MIER1: variants seen among roughly 807,000 people sequenced by gnomAD.
The protein encoded by MIER1 is MIER1 transcriptional regulator.
Under a neutral mutation model 75.7 loss-of-function variants are expected in MIER1, and 40 were observed. The observed-to-expected ratio is 0.53, with a 90% CI of 0.41 to 0.69. MIER1 has a LOEUF of 0.69. MIER1 is among the 30% of genes least tolerant of loss of function. The probability of loss-of-function intolerance (pLI) is 0.00; values close to 1 mark genes in which losing one functional copy is unlikely to be tolerated. For synonymous variants in MIER1, 213 were observed against 223.4 expected, an observed-to-expected ratio of 0.95 and a Z score of 0.42; for missense variants, 574 against 680.2, an observed-to-expected ratio of 0.84 and a Z score of 1.74.
At chr1:66,941,069 A>G (rs562177385) in intron 3 of MIER1, among the ~76,000 whole-genome samples, 73 of 152,322 alleles carry the variant, frequency 4.8e-4, no homozygotes, top group Admixed American at 2.4e-3. Context: ...AAAGTTTTAG[A>G]AAGAAAGCTT....
chr1:66,962,224 T>G (rs1316411561), intron 7 of MIER1, among the ~76,000 whole-genome samples: 1 of 152,226 alleles, frequency 6.6e-6, no homozygotes, highest in Non-Finnish European at 1.5e-5. Context: ...TGTATAGATA[T>G]GATTACTGGA....
Position 66,929,100 on chromosome 1 carries a change from A to AT in MIER1, c.168+2862dup, listed in dbSNP as rs1382717735. 4.5e-6 allele frequency: 3 copies of AT among 668,642 alleles called. No homozygotes were observed. In the Admixed American group the frequency reaches 8.2e-5, roughly 18 times the overall value. 41.4% of individuals were successfully genotyped at this position (668,642 alleles called of 1,614,324 possible). The stretch of plus-strand genomic sequence containing the variant: ...AGGAAAATGCTTGATAGAGTCTAGA[A>AT]TTTTAAGGGAATATAAATAATTTAA... On this transcript the variant is annotated intron_variant, in intron 2 of 13. Transcript: ENST00000401041.
At chr1:66,974,239 A>G (rs1664242185) in intron 11 of MIER1, among the ~76,000 whole-genome samples, 1 of 152,150 alleles carries the variant, frequency 6.6e-6, no homozygotes, top group South Asian at 2.1e-4. Flanking sequence ...AGGATAACTT[A>G]GAAGACAATG....
intron 8 of MIER1, among the ~76,000 whole-genome samples, chr1:66,967,064 T>C (rs1420322440): frequency 6.6e-6 from 1 of 152,180 alleles, no homozygotes; most frequent in Non-Finnish European, 1.5e-5. Flanking sequence ...TGTGGGGTAT[T>C]ATTCAGGAAG....
chr1:66,968,060 T>C (rs558650338), intron 8 of MIER1, among the ~76,000 whole-genome samples: 2 of 152,314 alleles, frequency 1.3e-5, no homozygotes, highest in Admixed American at 6.5e-5. Flanking sequence ...TTTAACATGA[T>C]TTTAGAAAGT....
At chr1:66,979,960 C>T (rs1298576492) in intron 12 of MIER1, among the ~76,000 whole-genome samples, 2 of 151,754 alleles carry the variant, frequency 1.3e-5, no homozygotes, top group African/African-American at 2.4e-5. Flanking sequence ...GACAGGGTTT[C>T]TCCATGTTGG....
At position 66,961,033 on chromosome 1, in the gene MIER1, T is replaced by A. The variant is rs76097329; in HGVS notation, c.699+1290T>A. 4.6e-3 allele frequency among the ~76,000 whole-genome samples: 693 copies of A among 152,148 alleles called. 7 individuals are homozygous for A. Among genetic ancestry groups the A allele is most frequent in the African/African-American group, 0.016 (664 of 41,510 alleles). ...AAATGAAAGAACAAAAGCTCAGAGG[T>A]AGAACACCTCTCATTGCTGGAGGGT... On this transcript the variant is annotated intron_variant, in intron 7 of 13. Coordinates refer to ENST00000401041, the MANE Select transcript of MIER1 (RefSeq NM_001077700.3).
intron 2 of MIER1, among the ~76,000 whole-genome samples, chr1:66,937,941 A>C (rs1655301738): frequency 1.3e-5 from 2 of 152,198 alleles, no homozygotes; most frequent in Non-Finnish European, 2.9e-5. Context: ...ATGTATCTGT[A>C]GGCAGACCAC....
In MIER1 at chr1:66,926,153, G is replaced by A. The variant is rs1010710842; in HGVS notation, c.79G>A (p.Ala27Thr). 2 of 1,613,562 alleles carry A rather than the reference G, an allele frequency of 1.2e-6. No individual in the cohort carries two copies. Among genetic ancestry groups the A allele is most frequent in the East Asian group, 4.5e-5 (2 of 44,880 alleles). ...GSSGSGYGVV[A>T]RFSQCLAEFR... ...TTCCTTTGATCCAGATGGTGTGGTC[G>A]CTCGATTCTCCCAGTGCCTGGCTGA... The change falls in exon 2 of 14, where the codon GCT (alanine) becomes ACT (threonine). Residue 27 changes from alanine (A) to threonine (T), a missense_variant. By Grantham distance (58) the Ala-to-Thr change is moderately conservative. This residue lies in a region of MIER1 where 309 missense variants were observed against 352.8 expected (regional missense o/e 0.88). Coordinates refer to ENST00000401041, the MANE Select transcript of MIER1 (RefSeq NM_001077700.3).
chr1:66,925,304 C>T (rs1461658084), intron 1 of MIER1: 7 of 985,128 alleles, frequency 7.1e-6, no homozygotes, highest in Non-Finnish European at 7.2e-6. Context: ...CAGCTTCCTC[C>T]CTCTGGCCAT....
At chr1:66,978,828 C>G (rs1345103689) in intron 12 of MIER1, among the ~76,000 whole-genome samples, 2 of 152,134 alleles carry the variant, frequency 1.3e-5, no homozygotes, top group East Asian at 3.8e-4. Flanking sequence ...ATGTCAAGAT[C>G]AACAGGTTAG....
At position 66,985,835 on chromosome 1, in the gene MIER1, TTTA is replaced by T. The variant is rs761913757; in HGVS notation, c.*936_*938del. Reference sequence around the variant, plus strand: ...TAAAATTTTTTTTTTTTTTTTTTTTTTTAAATTTCTACTTAAGGGCAAGTAATT... The same window carrying T: ...TAAAATTTTTTTTTTTTTTTTTTTTTAATTTCTACTTAAGGGCAAGTAATT... On this transcript the variant is annotated 3_prime_UTR_variant, in exon 14 of 14. Transcript: ENST00000401041. The T allele has an allele frequency of 0.037, 26,734 of 713,324 alleles. 177 individuals carry two copies. Among genetic ancestry groups the T allele is most frequent in the South Asian group, 0.05 (834 of 16,636 alleles). 44.2% of individuals were successfully genotyped at this position (713,324 alleles called of 1,614,324 possible).
chr1:66,940,333 T>TA (rs1249344824), intron 3 of MIER1: 4 of 287,810 alleles, frequency 1.4e-5, no homozygotes. Flanking sequence ...TGTATTATTG[T>TA]TTGACTTGTA....
chr1:66,929,114 T>C lies in MIER1; in HGVS notation c.168+2872T>C, dbSNP rs1039464847. The stretch of plus-strand genomic sequence containing the variant: ...TAGAGTCTAGAATTTTAAGGGAATA[T>C]AAATAATTTAATAGCCTCCCCTATA... On this transcript the variant is annotated intron_variant, in intron 2 of 13. Transcript: ENST00000401041. 32 of 661,250 alleles carry C rather than the reference T, an allele frequency of 4.8e-5. No homozygotes were observed. The Admixed American group carries it at 7.1e-4, about 15-fold the overall frequency. The allele number at this position is 661,250 out of a possible 1,614,324, so 41.0% of individuals were successfully genotyped here.
At chr1:66,976,150 C>G (rs1309226933) in intron 11 of MIER1, among the ~76,000 whole-genome samples, 4 of 152,044 alleles carry the variant, frequency 2.6e-5, no homozygotes, top group Admixed American at 2.6e-4. Flanking sequence ...ATTACAGGCA[C>G]CTGCCACCAT....
chr1:66,982,842 G>A (rs1341808876), intron 13 of MIER1, among the ~76,000 whole-genome samples: 3 of 152,198 alleles, frequency 2.0e-5, no homozygotes, highest in Non-Finnish European at 4.4e-5. Context: ...TTAGGGCCCA[G>A]TAACTATGTC....
intron 4 of MIER1, among the ~76,000 whole-genome samples, chr1:66,950,537 A>G (rs1268066067): frequency 6.6e-6 from 1 of 152,230 alleles, no homozygotes; most frequent in Non-Finnish European, 1.5e-5. Context: ...AGAAAGATCA[A>G]GATTGCAATA....
intron 7 of MIER1, among the ~76,000 whole-genome samples, chr1:66,961,921 A>C (rs1279743021): frequency 6.6e-6 from 1 of 152,244 alleles, no homozygotes; most frequent in East Asian, 1.9e-4. Flanking sequence ...TAACTTTATT[A>C]CATAAAGCAC....
At chr1:66,943,728 A>G (rs1031471533) in intron 3 of MIER1, among the ~76,000 whole-genome samples, 2 of 152,084 alleles carry the variant, frequency 1.3e-5, no homozygotes, top group African/African-American at 2.4e-5. Flanking sequence ...CCTAATACCA[A>G]TATTTTCTGG....
Sources: allele counts gnomAD v4.1 joint callset (sites outside exome capture counted in the v4.1 genomes callset), GRCh38; gene constraint gnomAD v4.1.1; regional missense constraint gnomAD v4.1.1; transcripts MANE v1.5; gene names NCBI Gene and HGNC (gene_info 2026-07-23, HGNC 2026-07-21).